Variants in KIAA1671 observed in about 807,000 individuals in gnomAD.
The protein encoded by KIAA1671 is KIAA1671.
KIAA1671 carries 52 observed loss-of-function variants against 131.2 expected under a neutral mutation model. The observed-to-expected ratio is 0.40, with a 90% CI of 0.32 to 0.50. The LOEUF (loss-of-function observed/expected upper bound fraction) is 0.50. Ranked by LOEUF, KIAA1671 falls within the 20% of genes least tolerant of loss-of-function variation. KIAA1671 has a pLI of 0.73. For synonymous variants in KIAA1671, 1,003 were observed against 961.6 expected (o/e 1.04, Z -0.80); for missense variants, 2,360 against 2,364.2 (o/e 1.00, Z 0.04).
chr22:25,148,233 C>T (rs1207409760), intron 6 of KIAA1671, among the ~76,000 whole-genome samples: 1 of 150,702 alleles, frequency 6.6e-6, no homozygotes, highest in Non-Finnish European at 1.5e-5. Context: ...TTTCTCAGTC[C>T]TGGCACCCCC....
At chr22:25,001,533 G>C (rs1308424093) in intron 1 of KIAA1671, among the ~76,000 whole-genome samples, 1 of 152,192 alleles carries the variant, frequency 6.6e-6, no homozygotes, top group Non-Finnish European at 1.5e-5. Context: ...GAGTCCTCCA[G>C]GCAGGAGAAG....
intron 1 of KIAA1671, among the ~76,000 whole-genome samples, chr22:24,982,270 A>C (rs1923272728): frequency 6.6e-6 from 1 of 152,250 alleles, no homozygotes; most frequent in South Asian, 2.1e-4. Context: ...GAAATCAAAC[A>C]GTGTCATCAA....
intron 6 of KIAA1671, among the ~76,000 whole-genome samples, chr22:25,122,936 C>T (rs927720830): frequency 5.3e-5 from 8 of 152,122 alleles, no homozygotes; most frequent in African/African-American, 1.9e-4. Flanking sequence ...GATCGCGCCA[C>T]TGCACACCAG....
At chr22:25,001,182 CGTGTGTATATAT>C in intron 1 of KIAA1671, among the ~76,000 whole-genome samples, 1 of 104,738 alleles carries the variant, frequency 9.5e-6, no homozygotes, top group East Asian at 4.0e-4. Context: ...TGTATATATA[CGTGTGTATATAT>C]GTGTGTATGT....
chr22:25,144,242 T>C (rs1932845268), intron 6 of KIAA1671, among the ~76,000 whole-genome samples: 1 of 152,222 alleles, frequency 6.6e-6, no homozygotes, highest in Non-Finnish European at 1.5e-5. Flanking sequence ...TCTTTGTTCC[T>C]ATCTTTACCT....
At chr22:24,960,654 C>CTTTTTT (rs34901740) in intron 1 of KIAA1671, among the ~76,000 whole-genome samples, 73 of 71,500 alleles carry the variant, frequency 1.0e-3, no homozygotes, top group African/African-American at 2.0e-3. Context: ...TTTTCAGGTT[C>CTTTTTT]TTTTTTTTTT....
At chr22:25,120,485 C>T (rs568868430) in intron 6 of KIAA1671, among the ~76,000 whole-genome samples, 20 of 152,256 alleles carry the variant, frequency 1.3e-4, no homozygotes, top group Non-Finnish European at 2.6e-4. Flanking sequence ...CTGGGAGAGA[C>T]CTGGAGTGAA....
chr22:25,066,104 G>A (rs1928464675), intron 6 of KIAA1671, among the ~76,000 whole-genome samples: 1 of 151,782 alleles, frequency 6.6e-6, no homozygotes, highest in Non-Finnish European at 1.5e-5. Flanking sequence ...GGATGGAAGG[G>A]GTGAGCTCAC....
intron 6 of KIAA1671, among the ~76,000 whole-genome samples, chr22:25,153,008 A>C (rs566680332): frequency 1.3e-5 from 2 of 151,800 alleles, no homozygotes; most frequent in Non-Finnish European, 2.9e-5. Context: ...GTGTTGTCCT[A>C]CTCACATGTT....
chr22:24,986,836 A>G (rs1697576172), intron 1 of KIAA1671, among the ~76,000 whole-genome samples: 1 of 151,946 alleles, frequency 6.6e-6, no homozygotes, highest in South Asian at 2.1e-4. Context: ...GACCCCTTTC[A>G]GGCACTAGGG....
chr22:24,996,201 G>A (rs1442163779), intron 1 of KIAA1671, among the ~76,000 whole-genome samples: 1 of 152,042 alleles, frequency 6.6e-6, no homozygotes, highest in Non-Finnish European at 1.5e-5. Flanking sequence ...TGGTGATAGA[G>A]CAGGGTGTCT....
chr22:25,077,904 T>A (rs1162279530), intron 6 of KIAA1671, among the ~76,000 whole-genome samples: 2 of 152,222 alleles, frequency 1.3e-5, no homozygotes, highest in Non-Finnish European at 2.9e-5. Context: ...GTAGTAATAA[T>A]AATAGTCATG....
At chr22:25,076,596 A>G (rs1159038515) in intron 6 of KIAA1671, among the ~76,000 whole-genome samples, 1 of 152,196 alleles carries the variant, frequency 6.6e-6, no homozygotes, top group East Asian at 1.9e-4. Context: ...ATTAGTAAGA[A>G]TAGCTGAGGG....
intron 1 of KIAA1671, among the ~76,000 whole-genome samples, chr22:24,990,519 C>T (rs1414734478): frequency 6.6e-6 from 1 of 152,244 alleles, no homozygotes; most frequent in Non-Finnish European, 1.5e-5. Flanking sequence ...ACACCATGCT[C>T]ACACACATGT....
chr22:25,086,563 C>A (rs16979555), intron 6 of KIAA1671, among the ~76,000 whole-genome samples: 3 of 152,310 alleles, frequency 2.0e-5, no homozygotes, highest in Non-Finnish European at 2.9e-5. Context: ...CTGCCCTGAC[C>A]TTTGTAGGAG....
intron 6 of KIAA1671, chr22:25,059,910 T>TG (rs1024488466): frequency 6.6e-6 from 1 of 152,212 alleles, no homozygotes; most frequent in Non-Finnish European, 1.5e-5. Flanking sequence ...CCTTCCAAAC[T>TG]GCCTCAGAAA....
chr22:24,963,644 G>A (rs1829371251), intron 1 of KIAA1671, among the ~76,000 whole-genome samples: 1 of 152,016 alleles, frequency 6.6e-6, no homozygotes, highest in Non-Finnish European at 1.5e-5. Flanking sequence ...GCCTTTAGAA[G>A]TTTTGCAGGA....
intron 1 of KIAA1671, among the ~76,000 whole-genome samples, chr22:25,004,713 G>C (rs960313021): frequency 2.0e-5 from 3 of 152,102 alleles, no homozygotes; most frequent in Non-Finnish European, 2.9e-5. Flanking sequence ...TTGGGAGGCC[G>C]AGGCGGGCAG....
chr22:25,114,204 C>T (rs1931539814), intron 6 of KIAA1671, among the ~76,000 whole-genome samples: 1 of 152,208 alleles, frequency 6.6e-6, no homozygotes, highest in African/African-American at 2.4e-5. Context: ...ATGTAGCCAC[C>T]CTACTGGGTG....
Sources: gnomAD v4.1 joint callset for allele counts (sites outside exome capture counted in the v4.1 genomes callset) on GRCh38, gnomAD v4.1.1 for gene constraint, MANE v1.5 for transcripts, NCBI Gene and HGNC (gene_info 2026-07-23, HGNC 2026-07-21) for gene names.